Variants in CTNNA2 observed in about 807,000 individuals in gnomAD.
CTNNA2 encodes catenin alpha-2.
Under a neutral mutation model 101.0 loss-of-function variants are expected in CTNNA2, and 42 were observed. The ratio of observed to expected loss-of-function variants is 0.42; its 90% CI spans 0.32 to 0.54. CTNNA2 has a LOEUF of 0.54. CTNNA2 is among the 20% of genes least tolerant of loss of function. The pLI is 0.14. For synonymous variants in CTNNA2, 450 were observed against 456.4 expected, an observed-to-expected ratio of 0.99 and a Z score of 0.18; for missense variants, 871 against 1,223.1, an observed-to-expected ratio of 0.71 and a Z score of 4.29.
intron 7 of CTNNA2, among the ~76,000 whole-genome samples, chr2:80,202,414 G>A (rs1199254805): frequency 6.6e-6 from 1 of 152,182 alleles, no homozygotes; most frequent in Admixed American, 6.5e-5. Context: ...CACAGAAGGA[G>A]CTACCACTCC....
chr2:80,624,373 A>G (rs1196522457), intron 18 of CTNNA2, among the ~76,000 whole-genome samples: 1 of 152,026 alleles, frequency 6.6e-6, no homozygotes, highest in East Asian at 1.9e-4. Context: ...AGTCACTTAC[A>G]AGTGCTAAAT....
rs150032818 is a variant in CTNNA2 at position 80,134,373 on chromosome 2, G to A, written c.1056+224576G>A. 5.8e-3 allele frequency among the ~76,000 whole-genome samples: 876 copies of A among 152,212 alleles called. 15 individuals are homozygous for A. The highest frequency in any genetic ancestry group is 0.02 in the African/African-American group (815 of 41,532). ...CAATTGATGGTTGCTGTGCAACTAC[G>A]CTAAGTGCTGACCCTCCCCCAAACC... On this transcript the variant is annotated intron_variant, in intron 7 of 18. Coordinates refer to ENST00000402739, the MANE Select transcript of CTNNA2 (RefSeq NM_001282597.3).
chr2:79,271,233 A>G (rs1391569725), intron 2 of CTNNA2, among the ~76,000 whole-genome samples: 3 of 152,026 alleles, frequency 2.0e-5, no homozygotes, highest in Non-Finnish European at 2.9e-5. Flanking sequence ...TTTTATTGCA[A>G]TATCATGATA....
chr2:80,022,011 G>A (rs1164286443), intron 7 of CTNNA2, among the ~76,000 whole-genome samples: 1 of 152,184 alleles, frequency 6.6e-6, no homozygotes, highest in Admixed American at 6.5e-5. Context: ...CAAACAGTCT[G>A]CAATTCTTTC....
chr2:79,753,930 G>A lies in CTNNA2; in HGVS notation c.298+9348G>A, dbSNP rs150926424. Among the ~76,000 whole-genome samples the A allele has an allele frequency of 3.4e-3, 507 of 147,286 alleles. 5 individuals are homozygous for A. Among genetic ancestry groups the A allele is most frequent in the African/African-American group, 0.012 (489 of 39,592 alleles). On this transcript the variant is annotated intron_variant, in intron 3 of 18. Coordinates refer to ENST00000402739, the MANE Select transcript of CTNNA2 (RefSeq NM_001282597.3). Reference sequence around the variant, plus strand: ...GTCACCCAGGTTGGAGTGCAGCGGCGTCATCTTGGCTCACTGCAACCTCCA... The same window carrying A: ...GTCACCCAGGTTGGAGTGCAGCGGCATCATCTTGGCTCACTGCAACCTCCA...
intron 3 of CTNNA2, among the ~76,000 whole-genome samples, chr2:79,855,198 CTCTG>C (rs1251813024): frequency 6.6e-6 from 1 of 152,138 alleles, no homozygotes; most frequent in Non-Finnish European, 1.5e-5. Flanking sequence ...CTCTCTCTCT[CTCTG>C]TCTTTCTCTT....
At chr2:80,295,156 G>A (rs571191162) in intron 7 of CTNNA2, among the ~76,000 whole-genome samples, 41 of 150,654 alleles carry the variant, frequency 2.7e-4, no homozygotes, top group South Asian at 1.1e-3. Flanking sequence ...TACTAGAAAG[G>A]TCTCTCAATT....
chr2:80,360,497 GT>G (rs1674298162), intron 7 of CTNNA2, among the ~76,000 whole-genome samples: 3 of 152,058 alleles, frequency 2.0e-5, no homozygotes, highest in Admixed American at 2.0e-4. Flanking sequence ...TGGGAGAGTG[GT>G]AAGAGTGAAA....
At chr2:79,365,032 T>G (rs1169590395) in intron 3 of CTNNA2, among the ~76,000 whole-genome samples, 1 of 152,052 alleles carries the variant, frequency 6.6e-6, no homozygotes, top group Non-Finnish European at 1.5e-5. Flanking sequence ...ATTCAATACT[T>G]TGGGAGGTGA....
intron 1 of CTNNA2, among the ~76,000 whole-genome samples, chr2:79,533,484 A>G (rs1672867473): frequency 6.6e-6 from 1 of 152,132 alleles, no homozygotes; most frequent in African/African-American, 2.4e-5. Flanking sequence ...ATATTAAGAC[A>G]TTCTTGAGAC....
At chr2:80,237,854 T>C (rs760269695) in intron 7 of CTNNA2, among the ~76,000 whole-genome samples, 1 of 152,154 alleles carries the variant, frequency 6.6e-6, no homozygotes, top group Non-Finnish European at 1.5e-5. Context: ...TGGGTTGAGT[T>C]GGTCTTCAAC....
At chr2:79,840,843 C>G (rs1679748398) in intron 3 of CTNNA2, among the ~76,000 whole-genome samples, 1 of 151,416 alleles carries the variant, frequency 6.6e-6, no homozygotes, top group Non-Finnish European at 1.5e-5. Flanking sequence ...GATCTCGGCT[C>G]ACTGCAAGCT....
chr2:80,539,240 C>G (rs142532062), intron 9 of CTNNA2, among the ~76,000 whole-genome samples: 1,840 of 151,694 alleles, frequency 0.012, 39 homozygotes, highest in African/African-American at 0.042. Flanking sequence ...AGGATAGATG[C>G]CAATTGTAAT....
At chr2:80,405,207 C>T (rs932054494) in intron 8 of CTNNA2, among the ~76,000 whole-genome samples, 2 of 152,086 alleles carry the variant, frequency 1.3e-5, no homozygotes, top group Non-Finnish European at 2.9e-5. Context: ...TTTTTAGTGT[C>T]CATTCTTTAC....
chr2:80,222,583 G>C (rs1295042151), intron 7 of CTNNA2, among the ~76,000 whole-genome samples: 4 of 152,128 alleles, frequency 2.6e-5, no homozygotes, highest in African/African-American at 9.7e-5. Context: ...CTAAAGCCCA[G>C]GCCCAAGCAC....
intron 7 of CTNNA2, among the ~76,000 whole-genome samples, chr2:80,179,575 G>A (rs189331115): frequency 2.6e-4 from 40 of 152,106 alleles, no homozygotes; most frequent in Admixed American, 2.0e-3. Context: ...GGATTTCACC[G>A]TGTTAGCCAG....
chr2:79,443,503 G>A (rs1202081617), intron 4 of CTNNA2, among the ~76,000 whole-genome samples: 1 of 151,842 alleles, frequency 6.6e-6, no homozygotes, highest in East Asian at 1.9e-4. Flanking sequence ...AATCTTATCT[G>A]GAAACACCCT....
intron 1 of CTNNA2, among the ~76,000 whole-genome samples, chr2:79,568,950 C>G (rs191694310): frequency 2.0e-5 from 3 of 149,572 alleles, no homozygotes; most frequent in Non-Finnish European, 4.4e-5. Flanking sequence ...GGGAGGATTG[C>G]TTCAGCCCAG....
intron 4 of CTNNA2, among the ~76,000 whole-genome samples, chr2:79,416,257 C>CTTTTTT (rs66830925): frequency 6.8e-3 from 635 of 93,846 alleles, no homozygotes; most frequent in Non-Finnish European, 8.8e-3. Context: ...CTTTCCTTTT[C>CTTTTTT]TTTTTTTTTT....
Sources: gnomAD v4.1 joint callset for allele counts (sites outside exome capture counted in the v4.1 genomes callset) on GRCh38, gnomAD v4.1.1 for gene constraint, MANE v1.5 for transcripts, NCBI Gene and HGNC (gene_info 2026-07-23, HGNC 2026-07-21) for gene names.